The following H3C6 variants were observed in gnomAD, a reference collection of about 807,000 sequenced individuals.
H3C6 encodes histone H3.1.
Under a neutral mutation model 8.0 loss-of-function variants are expected in H3C6, and 17 were observed. That is an observed-to-expected ratio of 2.13 (90% CI 1.46 to 3.19). The LOEUF (loss-of-function observed/expected upper bound fraction) is 3.19. Ranked by LOEUF, H3C6 falls within the 30% of genes most tolerant of loss-of-function variation. The pLI is 0.00. For missense variants in H3C6, 298 were observed against 193.8 expected (o/e 1.54, Z -3.19); for synonymous variants, 169 against 78.0 (o/e 2.17, Z -6.15).
chr6:26,224,746 A>G (rs1765590745), upstream of H3C6, among the ~76,000 whole-genome samples: 1 of 152,238 alleles, frequency 6.6e-6, no homozygotes, highest in Non-Finnish European at 1.5e-5. Context: ...ATGAGTGAAT[A>G]AGGAAGGGAA....
At chr6:26,225,952 G>A (rs1759545186), downstream of H3C6, 1 of 169,736 alleles carries the variant, frequency 5.9e-6, no homozygotes, top group South Asian at 1.5e-4. Flanking sequence ...TGCATTTTAG[G>A]TCTTAACTGC....
Position 26,225,356 on chromosome 6 carries a change from T to C in H3C6, c.202T>C (p.Phe68Leu), listed in dbSNP as rs781713622. The C allele has an allele frequency of 8.1e-6, 13 of 1,614,102 alleles. No individual in the cohort carries two copies. Among genetic ancestry groups the C allele is most frequent in the Non-Finnish European group, 1.1e-5 (13 of 1,180,038 alleles). ...CGAGCTTCTAATCCGGAAGCTGCCG[T>C]TTCAGCGCCTGGTGCGAGAAATAGC... ...STELLIRKLP[F>L]QRLVREIAQD... The change falls in exon 1 of 1, where the codon TTT becomes CTT. Residue 68 changes from phenylalanine to leucine, a missense_variant. By Grantham distance (22) the Phe-to-Leu change is conservative. Transcript: ENST00000614911.
downstream of H3C6, chr6:26,226,368 ATTTATT>A: frequency 3.2e-5 from 1 of 31,192 alleles, no homozygotes. Context: ...TTTCTTATTT[ATTTATT>A]TATTTATTTA....
At chr6:26,225,129 T>G, upstream of H3C6, 1 of 1,527,830 alleles carries the variant, frequency 6.5e-7, no homozygotes, top group Non-Finnish European at 8.8e-7. Context: ...CCAATCTTCC[T>G]AACTCATTTA....
chr6:26,225,353 C>G lies in H3C6; in HGVS notation c.199C>G (p.Pro67Ala), dbSNP rs373022940. 6.2e-7 allele frequency: 1 copy of G among 1,614,248 alleles called. No individual in the cohort carries two copies. The highest frequency in any genetic ancestry group is 1.1e-5 in the South Asian group (1 of 91,088). The change falls in exon 1 of 1, where the codon CCG becomes GCG. Residue 67 changes from proline (P) to alanine (A), a missense_variant. Pro to Ala is a conservative substitution (Grantham distance 27, BLOSUM62 -1). Coordinates refer to ENST00000614911, the MANE Select transcript of H3C6 (RefSeq NM_003532.3). Reference protein sequence around the residue: ...KSTELLIRKLPFQRLVREIAQ... With the variant: ...KSTELLIRKLAFQRLVREIAQ... Reference sequence around the variant, plus strand: ...TACCGAGCTTCTAATCCGGAAGCTGCCGTTTCAGCGCCTGGTGCGAGAAAT... The same window carrying G: ...TACCGAGCTTCTAATCCGGAAGCTGGCGTTTCAGCGCCTGGTGCGAGAAAT...
chr6:26,225,692 G>A (rs984140091), downstream of H3C6: 8 of 1,166,812 alleles, frequency 6.9e-6, no homozygotes, highest in Admixed American at 2.7e-5. Context: ...ATAGACATTT[G>A]AAATAGTGGC....
Position 26,225,370 on chromosome 6 carries a change from G to T in H3C6, c.216G>T (p.Val72=). ...LIRKLPFQRL[V]REIAQDFKTD... is the part of the protein sequence containing the mutation. ...GGAAGCTGCCGTTTCAGCGCCTGGTGCGAGAAATAGCTCAGGACTTCAAGA... is the reference window on the plus strand; with the variant it reads ...GGAAGCTGCCGTTTCAGCGCCTGGTTCGAGAAATAGCTCAGGACTTCAAGA... Residue 72 remains valine, a synonymous_variant, in exon 1 of 1, where the codon GTG becomes GTT. Coordinates refer to ENST00000614911, the MANE Select transcript of H3C6 (RefSeq NM_003532.3). The T allele has an allele frequency of 2.5e-6, 4 of 1,614,260 alleles. No homozygotes were observed. The highest frequency in any genetic ancestry group is 3.4e-6 in the Non-Finnish European group (4 of 1,180,036).
downstream of H3C6, chr6:26,226,538 T>G (rs1199952633): frequency 6.6e-6 from 1 of 152,228 alleles, no homozygotes; most frequent in Non-Finnish European, 1.5e-5. Context: ...ATTACAGGCA[T>G]GAGCCACCTC....
chr6:26,226,095 G>C (rs923626771), downstream of H3C6: 1 of 153,822 alleles, frequency 6.5e-6, no homozygotes, highest in Non-Finnish European at 1.4e-5. Context: ...TGCCGGCGAC[G>C]GTCGGTGCCT....
At chr6:26,225,072 G>T (rs890713067), upstream of H3C6, 15 of 1,430,316 alleles carry the variant, frequency 1.0e-5, no homozygotes, top group Middle Eastern at 1.8e-4. Context: ...AACAGGGATC[G>T]TCCACAATCC....
upstream of H3C6, chr6:26,225,129 T>C (rs374522660): frequency 4.6e-6 from 7 of 1,527,830 alleles, no homozygotes; most frequent in Non-Finnish European, 5.3e-6. Flanking sequence ...CCAATCTTCC[T>C]AACTCATTTA....
Position 26,225,548 on chromosome 6 carries a change from C to A in H3C6, c.394C>A (p.Arg132Ser). ...PKDIQLARRI[R>S]GERA ...AGACATCCAGCTTGCCCGCCGCATT[C>A]GTGGGGAGAGGGCGTGAATTGTTTT... The change falls in exon 1 of 1, where the codon CGT (arginine) becomes AGT (serine). Residue 132 changes from arginine to serine, a missense_variant. Arg to Ser is a moderately radical substitution (Grantham distance 110). Coordinates refer to ENST00000614911, the MANE Select transcript of H3C6 (RefSeq NM_003532.3). 1.2e-6 allele frequency: 2 copies of A among 1,613,776 alleles called. No homozygotes were observed. The highest frequency in any genetic ancestry group is 1.3e-5 in the African/African-American group (1 of 75,052).
At chr6:26,226,077 C>G (rs568474295), downstream of H3C6, 1 of 153,474 alleles carries the variant, frequency 6.5e-6, no homozygotes, top group South Asian at 2.0e-4. Context: ...TTTTGAGACC[C>G]AGCTACTTGC....
downstream of H3C6, chr6:26,226,129 T>C (rs1040036005): frequency 4.6e-5 from 7 of 153,660 alleles, 1 homozygote; most frequent in Admixed American, 3.2e-4. Context: ...CGTTACTCTC[T>C]GTGCGCCTGA....
Position 26,225,357 on chromosome 6 carries a change from T to G in H3C6, c.203T>G (p.Phe68Cys). Reference sequence around the variant, plus strand: ...GAGCTTCTAATCCGGAAGCTGCCGTTTCAGCGCCTGGTGCGAGAAATAGCT... The same window carrying G: ...GAGCTTCTAATCCGGAAGCTGCCGTGTCAGCGCCTGGTGCGAGAAATAGCT... ...STELLIRKLP[F>C]QRLVREIAQD... Residue 68 changes from phenylalanine (F) to cysteine (C), a missense_variant, in exon 1 of 1, where the codon TTT becomes TGT. Coordinates refer to ENST00000614911, the MANE Select transcript of H3C6 (RefSeq NM_003532.3). The G allele has an allele frequency of 6.2e-7, 1 of 1,614,248 alleles. No individual in the cohort carries two copies.
At chr6:26,225,109 G>C, upstream of H3C6, 1 of 1,517,646 alleles carries the variant, frequency 6.6e-7, no homozygotes, top group Non-Finnish European at 8.8e-7. Flanking sequence ...TTCCTATATA[G>C]AGGGGCAAAC....
chr6:26,225,662 A>T, downstream of H3C6: 1 of 1,306,742 alleles, frequency 7.7e-7, no homozygotes, highest in Non-Finnish European at 1.1e-6. Flanking sequence ...GCATTAGACC[A>T]CTAAACTGCA....
upstream of H3C6, chr6:26,224,299 T>TA (rs1765581038): frequency 6.6e-6 from 1 of 152,216 alleles, no homozygotes; most frequent in Non-Finnish European, 1.5e-5. Context: ...GAAGTCCTGT[T>TA]ATTTGGGTGA....
At chr6:26,225,004 AAAAAT>A (rs1765594877), upstream of H3C6, 2 of 850,716 alleles carry the variant, frequency 2.4e-6, no homozygotes, top group Non-Finnish European at 1.8e-6. Context: ...CTTGCACTGA[AAAAAT>A]AAACCAATCG....
Sources: gnomAD v4.1 joint callset for allele counts (sites outside exome capture counted in the v4.1 genomes callset) on GRCh38, gnomAD v4.1.1 for gene constraint, MANE v1.5 for transcripts, NCBI Gene and HGNC (gene_info 2026-07-23, HGNC 2026-07-21) for gene names.